Variants in MACROD2 observed in about 807,000 individuals in gnomAD.
MACROD2 encodes the protein ADP-ribose glycohydrolase MACROD2.
MACROD2 carries 36 observed loss-of-function variants against 70.4 expected under a neutral mutation model. That is an observed-to-expected ratio of 0.51 (90% confidence interval 0.39 to 0.68). The LOEUF (loss-of-function observed/expected upper bound fraction) is 0.68. MACROD2 is among the 30% of genes least tolerant of loss of function. MACROD2 has a pLI of 0.00. For synonymous variants in MACROD2, 172 were observed against 178.8 expected (o/e 0.96, Z 0.30); for missense variants, 496 against 538.4 (o/e 0.92, Z 0.78).
chr20:14,763,157 T>G (rs1837759971), intron 5 of MACROD2, among the ~76,000 whole-genome samples: 1 of 152,078 alleles, frequency 6.6e-6, no homozygotes, highest in Non-Finnish European at 1.5e-5. Context: ...GAGATCTTTG[T>G]GATATTTATG....
chr20:14,634,739 C>T (rs922848871), intron 4 of MACROD2, among the ~76,000 whole-genome samples: 1 of 152,216 alleles, frequency 6.6e-6, no homozygotes, highest in East Asian at 1.9e-4. Context: ...TTAAGATATC[C>T]AAAATAGGCA....
Position 15,028,427 on chromosome 20 carries a change from G to A in MACROD2, c.419-201513G>A, listed in dbSNP as rs1033741150. 5.3e-5 allele frequency among the ~76,000 whole-genome samples: 8 copies of A among 152,206 alleles called. No homozygotes were observed. In the East Asian group the frequency reaches 1.2e-3, roughly 22 times the overall value. On this transcript the variant is annotated intron_variant, in intron 5 of 17. Transcript: ENST00000684519. ...ATTAGCGAAGTCCAAGCAAAGTACT[G>A]CAAACAAGGTCTGGCATATCACAAG... is the stretch of plus-strand genomic sequence containing the variant.
In MACROD2 at chr20:14,042,500, ATTCTT is replaced by A. The variant is rs553162838; in HGVS notation, c.163+40102_163+40106del. ...ACACCAGCTAGTGTCCTCCAATTCA[ATTCTT>A]TTCTTCTTTTTGAGACAGAGTCTCA... On this transcript the variant is annotated intron_variant, in intron 2 of 17. Transcript: ENST00000684519. Among the ~76,000 whole-genome samples, 726 of 152,040 alleles carry A rather than the reference ATTCTT, an allele frequency of 4.8e-3. 2 individuals are homozygous for A. Among genetic ancestry groups the A allele is most frequent in the African/African-American group, 0.016 (679 of 41,484 alleles).
intron 5 of MACROD2, among the ~76,000 whole-genome samples, chr20:15,006,065 A>G (rs900089602): frequency 4.0e-5 from 6 of 151,606 alleles, no homozygotes; most frequent in African/African-American, 1.5e-4. Flanking sequence ...TATTCTGTGC[A>G]CTATACTAGG....
chr20:14,767,229 T>C (rs994063635), intron 5 of MACROD2, among the ~76,000 whole-genome samples: 27 of 152,136 alleles, frequency 1.8e-4, no homozygotes, highest in African/African-American at 6.5e-4. Context: ...AAACACTTCA[T>C]TTTTTTAATA....
chr20:14,905,667 T>A (rs1294089513), intron 5 of MACROD2: 1 of 152,230 alleles, frequency 6.6e-6, no homozygotes, highest in Non-Finnish European at 1.5e-5. Context: ...ACATCCCGAT[T>A]CTCATTGGTG....
chr20:14,474,831 A>G (rs1257693371), intron 3 of MACROD2, among the ~76,000 whole-genome samples: 1 of 151,884 alleles, frequency 6.6e-6, no homozygotes, highest in East Asian at 1.9e-4. Context: ...GTCTTTTTCC[A>G]TTTCTTCACT....
chr20:14,347,998 A>G (rs2083080843), intron 3 of MACROD2, among the ~76,000 whole-genome samples: 1 of 152,166 alleles, frequency 6.6e-6, no homozygotes, highest in Non-Finnish European at 1.5e-5. Flanking sequence ...ACGGTGGCTT[A>G]CACCTGTAAT....
chr20:14,306,462 A>G (rs148032784), intron 3 of MACROD2, among the ~76,000 whole-genome samples: 1 of 152,262 alleles, frequency 6.6e-6, no homozygotes, highest in South Asian at 2.1e-4. Context: ...ATGATTATAC[A>G]GTCTGTGGAT....
chr20:15,592,219 G>A (rs149689750), intron 8 of MACROD2, among the ~76,000 whole-genome samples: 311 of 152,284 alleles, frequency 2.0e-3, no homozygotes, highest in Middle Eastern at 0.014. Flanking sequence ...GAGACAATAT[G>A]TGTAAATACA....
At chr20:15,859,039 A>G (rs2064390106) in intron 8 of MACROD2, among the ~76,000 whole-genome samples, 1 of 152,206 alleles carries the variant, frequency 6.6e-6, no homozygotes, top group Admixed American at 6.5e-5. Context: ...TGATTAACAC[A>G]TATTTTGTAT....
At chr20:15,695,789 A>ATC (rs2050360277) in intron 8 of MACROD2, among the ~76,000 whole-genome samples, 1 of 150,030 alleles carries the variant, frequency 6.7e-6, no homozygotes, top group Non-Finnish European at 1.5e-5. Context: ...ATTCCTGCGT[A>ATC]TTTTTTTTTC....
At chr20:14,989,488 C>A (rs978820565) in intron 5 of MACROD2, among the ~76,000 whole-genome samples, 1 of 152,042 alleles carries the variant, frequency 6.6e-6, no homozygotes, top group Non-Finnish European at 1.5e-5. Context: ...CAGGCAGATT[C>A]AAGAAAAGGG....
At chr20:14,258,548 A>G (rs1041395488) in intron 3 of MACROD2, among the ~76,000 whole-genome samples, 2 of 151,986 alleles carry the variant, frequency 1.3e-5, no homozygotes, top group African/African-American at 4.8e-5. Context: ...TCATTTGCCC[A>G]CTTTTTGATG....
At chr20:15,420,846 C>T (rs560087958) in intron 6 of MACROD2, among the ~76,000 whole-genome samples, 1 of 152,106 alleles carries the variant, frequency 6.6e-6, no homozygotes, top group African/African-American at 2.4e-5. Context: ...AGCACTTTGG[C>T]AGGCCGAGGC....
rs148958442 is a variant in MACROD2 at position 14,549,245 on chromosome 20, G to T, written c.301+55737G>T. ...TAGGCTGGGCTAGAATCTATATTTG[G>T]GGGGAGAGGAGGAATTACTTAAGAA... is the stretch of plus-strand genomic sequence containing the variant. On this transcript the variant is annotated intron_variant, in intron 4 of 17. Coordinates refer to ENST00000684519, the MANE Select transcript of MACROD2 (RefSeq NM_001351661.2). Among the ~76,000 whole-genome samples the T allele has an allele frequency of 2.0e-5, 3 of 152,238 alleles. No individual in the cohort carries two copies. In the East Asian group the frequency reaches 5.8e-4, roughly 29 times the overall value.
At chr20:15,239,320 G>A (rs1171005231) in intron 6 of MACROD2, among the ~76,000 whole-genome samples, 1 of 151,718 alleles carries the variant, frequency 6.6e-6, no homozygotes, top group African/African-American at 2.4e-5. Context: ...ATCTGTCAGT[G>A]GAAAGAAAGC....
chr20:14,158,926 C>T (rs1180371116), intron 3 of MACROD2, among the ~76,000 whole-genome samples: 1 of 151,996 alleles, frequency 6.6e-6, no homozygotes, highest in Non-Finnish European at 1.5e-5. Flanking sequence ...TTTAGGATTG[C>T]TTTTTCTATT....
intron 8 of MACROD2, among the ~76,000 whole-genome samples, chr20:15,638,893 C>T (rs756378493): frequency 3.3e-5 from 5 of 152,162 alleles, no homozygotes; most frequent in Admixed American, 6.5e-5. Flanking sequence ...CCATCCGGAA[C>T]AGAGTTGAAA....
Sources: gnomAD v4.1 joint callset for allele counts (sites outside exome capture counted in the v4.1 genomes callset) on GRCh38, gnomAD v4.1.1 for gene constraint, MANE v1.5 for transcripts, NCBI Gene and HGNC (gene_info 2026-07-23, HGNC 2026-07-21) for gene names.